NUSAP1: variants seen among roughly 807,000 people sequenced by gnomAD.
NUSAP1 encodes nucleolar and spindle-associated protein 1.
Under a neutral mutation model 52.8 loss-of-function variants are expected in NUSAP1, and 32 were observed. That is an observed-to-expected ratio of 0.61 (90% CI 0.46 to 0.81). The LOEUF (loss-of-function observed/expected upper bound fraction) is 0.81. Among genes scored for constraint, NUSAP1 ranks in the 40% least tolerant of loss-of-function variants. The pLI, the probability that NUSAP1 is intolerant of heterozygous loss-of-function variation, is 0.00. For missense variants in NUSAP1, 499 were observed against 522.3 expected (o/e 0.96, Z 0.43); for synonymous variants, 195 against 183.1 (o/e 1.06, Z -0.52).
At chr15:41,344,805 G>A (rs2048500385) in intron 2 of NUSAP1, among the ~76,000 whole-genome samples, 1 of 152,016 alleles carries the variant, frequency 6.6e-6, no homozygotes, top group East Asian at 1.9e-4. Context: ...GCCGAGCATG[G>A]ATGCACACAG....
In NUSAP1 at chr15:41,375,742, C is replaced by T; in HGVS notation, c.1037C>T (p.Ala346Val). Residue 346 changes from alanine (A) to valine (V), a missense_variant, in exon 9 of 11, where the codon GCA (alanine) becomes GTA (valine). Physicochemically the swap from Ala to Val is moderately conservative, Grantham distance 64. Coordinates refer to ENST00000559596, the MANE Select transcript of NUSAP1 (RefSeq NM_016359.5). ...VITPFKLTTE[A>V]TQTPVSNKKP... ...ACCCCATTCAAGTTGACAACTGAGG[C>T]AACGCAGACTCCAGTCTCCAATAAG... The T allele has an allele frequency of 6.2e-7, 1 of 1,613,506 alleles. No individual in the cohort carries two copies. Among genetic ancestry groups the T allele is most frequent in the South Asian group, 1.1e-5 (1 of 91,068 alleles).
intron 9 of NUSAP1, among the ~76,000 whole-genome samples, chr15:41,376,910 A>G (rs1208257828): frequency 6.6e-6 from 1 of 151,898 alleles, no homozygotes; most frequent in Non-Finnish European, 1.5e-5. Flanking sequence ...CCCCGTCTCT[A>G]CTAAAAAATA....
intron 1 of NUSAP1, among the ~76,000 whole-genome samples, chr15:41,336,216 A>G (rs893238410): frequency 2.0e-5 from 3 of 151,488 alleles, no homozygotes; most frequent in African/African-American, 7.3e-5. Flanking sequence ...CAGTGAGCCA[A>G]GATCACACCA....
At chr15:41,333,217 C>A (rs1330468411) in intron 1 of NUSAP1, among the ~76,000 whole-genome samples, 167 bp downstream of exon 1, 1 of 152,174 alleles carries the variant, frequency 6.6e-6, no homozygotes, top group African/African-American at 2.4e-5. Context: ...CTCTGATAAA[C>A]GGAAGAGGAA....
chr15:41,370,645 G>A (rs1198879299), intron 7 of NUSAP1, among the ~76,000 whole-genome samples: 1 of 151,378 alleles, frequency 6.6e-6, no homozygotes, highest in African/African-American at 2.4e-5. Context: ...AGCTACTGGG[G>A]AGGCTGAGGC....
At chr15:41,360,774 G>A (rs1401573166) in intron 6 of NUSAP1, among the ~76,000 whole-genome samples, 2 of 148,582 alleles carry the variant, frequency 1.3e-5, no homozygotes, top group African/African-American at 4.9e-5. Flanking sequence ...TACCACATTT[G>A]AAGGCACTGT....
chr15:41,376,261 G>A (rs542029149), intron 9 of NUSAP1, among the ~76,000 whole-genome samples: 29 of 151,610 alleles, frequency 1.9e-4, no homozygotes, highest in African/African-American at 6.1e-4. Flanking sequence ...TTAGCCTGGC[G>A]TGGTGGCGGC....
chr15:41,367,247 T>C (rs2049456660), intron 7 of NUSAP1, among the ~76,000 whole-genome samples: 1 of 152,162 alleles, frequency 6.6e-6, no homozygotes, highest in Admixed American at 6.6e-5. Context: ...CATGGCTGTT[T>C]CTCAGGCCCT....
At chr15:41,341,642 A>C (rs968791306) in intron 1 of NUSAP1, among the ~76,000 whole-genome samples, 1 of 152,130 alleles carries the variant, frequency 6.6e-6, no homozygotes, top group Non-Finnish European at 1.5e-5. Flanking sequence ...TTCACTTCCT[A>C]AGAAGGTTTT....
At chr15:41,355,291 G>C (rs1253849474) in intron 4 of NUSAP1, among the ~76,000 whole-genome samples, 2 of 151,580 alleles carry the variant, frequency 1.3e-5, no homozygotes, top group East Asian at 3.9e-4. Flanking sequence ...TCCTGCCTCA[G>C]CCTCCTGAGT....
At chr15:41,373,947 T>C (rs889360894) in intron 8 of NUSAP1, among the ~76,000 whole-genome samples, 5 of 152,036 alleles carry the variant, frequency 3.3e-5, no homozygotes, top group African/African-American at 1.2e-4. Context: ...CCCAGCACTT[T>C]GGGAGGCCAA....
In NUSAP1 at chr15:41,358,275, A is replaced by G; in HGVS notation, c.660+17A>G. ...GAACTGAAGGTATGTAGATAAAATT[A>G]TGTTCTTAATGGAACTAAACTGTTT... On this transcript the variant is annotated intron_variant, in intron 6 of 10. Transcript: ENST00000559596. 1 of 1,147,218 alleles carries G rather than the reference A, an allele frequency of 8.7e-7. No homozygotes were observed. Among genetic ancestry groups the G allele is most frequent in the South Asian group, 1.3e-5 (1 of 76,756 alleles). 71.1% of individuals were successfully genotyped at this position (1,147,218 alleles called of 1,614,324 possible).
intron 7 of NUSAP1, among the ~76,000 whole-genome samples, chr15:41,369,403 C>T (rs111340484): frequency 0.068 from 10,339 of 151,292 alleles, 882 homozygotes; most frequent in African/African-American, 0.2. Context: ...ATCCCAGCAC[C>T]TTGGGAGCCC....
chr15:41,379,177 C>A (rs1432264180), intron 10 of NUSAP1, among the ~76,000 whole-genome samples: 1 of 151,988 alleles, frequency 6.6e-6, no homozygotes, highest in Non-Finnish European at 1.5e-5. Flanking sequence ...TGGTCTCAAA[C>A]TGCTGATCTC....
chr15:41,377,474 C>T (rs371428418), intron 10 of NUSAP1, among the ~76,000 whole-genome samples, 170 bp downstream of exon 10: 4 of 151,872 alleles, frequency 2.6e-5, no homozygotes, highest in South Asian at 2.1e-4. Context: ...CCGAGGTGGG[C>T]GGAACACGAG....
At position 41,371,623 on chromosome 15, in the gene NUSAP1, A is replaced by C. The variant is rs2140831354; in HGVS notation, c.945A>C (p.Pro315=). 6.2e-7 allele frequency: 1 copy of C among 1,611,336 alleles called. No homozygotes were observed. The highest frequency in any genetic ancestry group is 2.2e-5 in the East Asian group (1 of 44,854). ...SAHVTVSGGT[P]KGEAVLGTHK... ...ATGTGACCGTGTCTGGGGGCACCCC[A>C]AAAGGCGAGGCTGTGCTTGGGACAC... Residue 315 remains proline, a synonymous_variant, in exon 8 of 11, where the codon CCA becomes CCC. Coordinates refer to ENST00000559596, the MANE Select transcript of NUSAP1 (RefSeq NM_016359.5).
chr15:41,369,252 A>G (rs1049070513), intron 7 of NUSAP1, among the ~76,000 whole-genome samples: 1 of 152,024 alleles, frequency 6.6e-6, no homozygotes, highest in Non-Finnish European at 1.5e-5. Context: ...TGTTCCTCCA[A>G]TGTAGTTTTT....
intron 2 of NUSAP1, among the ~76,000 whole-genome samples, chr15:41,346,129 G>A (rs1490860280): frequency 1.3e-5 from 2 of 151,168 alleles, no homozygotes; most frequent in Admixed American, 6.6e-5. Context: ...TTAGTAGAGT[G>A]GAGGTTTTAC....
Position 41,365,580 on chromosome 15 carries a change from CG to C in NUSAP1, c.842del (p.Gly281ValfsTer17). The C allele has an allele frequency of 1.3e-6, 2 of 1,593,714 alleles. No individual in the cohort carries two copies. The highest frequency in any genetic ancestry group is 1.7e-6 in the Non-Finnish European group (2 of 1,165,870). ...LKRSAISAAK[T>X]GVRFSAATKD... ...CGCTCTGCTATCTCTGCAGCTAAAA[CG>C]GGTGTCAGGTAAAGAAATCACTCCA... On this transcript the variant is annotated frameshift_variant, in exon 7 of 11. Transcript: ENST00000559596. LOFTEE classifies it high-confidence loss of function.
Sources: gnomAD v4.1 joint callset for allele counts (sites outside exome capture counted in the v4.1 genomes callset) on GRCh38, gnomAD v4.1.1 for gene constraint, MANE v1.5 for transcripts, NCBI Gene and HGNC (gene_info 2026-07-23, HGNC 2026-07-21) for gene names.